Variants in CIPC observed in about 807,000 individuals in gnomAD.
CIPC encodes CLOCK-interacting pacemaker.
CIPC carries 12 observed loss-of-function variants against 26.7 expected under a neutral mutation model. The ratio of observed to expected loss-of-function variants is 0.45; its 90% CI spans 0.29 to 0.73. CIPC has a LOEUF of 0.73. Among genes scored for constraint, CIPC ranks in the 30% least tolerant of loss-of-function variants. CIPC has a pLI of 0.12. For missense variants in CIPC, 417 were observed against 486.5 expected, an observed-to-expected ratio of 0.86 and a Z score of 1.34; for synonymous variants, 170 against 189.8, an observed-to-expected ratio of 0.90 and a Z score of 0.86.
intron 2 of CIPC, among the ~76,000 whole-genome samples, chr14:77,107,656 A>ACTCT (rs796858886): frequency 0.031 from 3,958 of 127,088 alleles, 94 homozygotes; most frequent in East Asian, 0.089. Context: ...ACACACACAC[A>ACTCT]CACTCTCTCT....
In CIPC at chr14:77,114,185, A is replaced by C; in HGVS notation, c.1067A>C (p.Gln356Pro). Residue 356 changes from glutamine to proline, a missense_variant, in exon 4 of 4, where the codon CAA (glutamine) becomes CCA (proline). By Grantham distance (76) the Gln-to-Pro change is moderately conservative. Coordinates refer to ENST00000361786, the MANE Select transcript of CIPC (RefSeq NM_033426.3). ...TQVELDQLKEQTQLFIEATKS... is the reference protein window; with the variant it reads ...TQVELDQLKEPTQLFIEATKS... The stretch of plus-strand genomic sequence containing the variant: ...GTAGAACTAGACCAGCTAAAGGAGC[A>C]AACCCAGCTGTTTATAGAAGCCACC... 6.2e-7 allele frequency: 1 copy of C among 1,614,188 alleles called. No individual in the cohort carries two copies. Among genetic ancestry groups the C allele is most frequent in the Non-Finnish European group, 8.5e-7 (1 of 1,180,044 alleles).
In CIPC at chr14:77,116,908, G is replaced by C. The variant is rs1487934943; in HGVS notation, c.*2590G>C. Reference sequence around the variant, plus strand: ...TATGAAGTACTGTGGCAGAGCTGCTGTTTTCTGAAGGTGAGAAGCCATTTT... The same window carrying C: ...TATGAAGTACTGTGGCAGAGCTGCTCTTTTCTGAAGGTGAGAAGCCATTTT... On this transcript the variant is annotated 3_prime_UTR_variant, in exon 4 of 4. Coordinates refer to ENST00000361786, the MANE Select transcript of CIPC (RefSeq NM_033426.3). The C allele has an allele frequency of 6.6e-6, 1 of 152,220 alleles. No individual in the cohort carries two copies. The highest frequency in any genetic ancestry group is 2.4e-5 in the African/African-American group (1 of 41,464). 9.4% of individuals were successfully genotyped at this position (152,220 alleles called of 1,614,324 possible).
In CIPC at chr14:77,105,779, T is replaced by C. The variant is rs758677409; in HGVS notation, c.71T>C (p.Met24Thr). ...LSAKVGKGTE[M>T]KKVARQLGMA... is the part of the protein sequence containing the mutation. The stretch of plus-strand genomic sequence containing the variant: ...GCCAAAGTAGGCAAAGGCACAGAGA[T>C]GAAGAAAGTGGCTCGTCAGCTTGGG... Residue 24 changes from methionine (M) to threonine (T), a missense_variant, in exon 2 of 4, where the codon ATG becomes ACG. By Grantham distance (81) the Met-to-Thr change is moderately conservative. Transcript: ENST00000361786. 3.7e-6 allele frequency: 6 copies of C among 1,614,000 alleles called. No individual in the cohort carries two copies. The highest frequency in any genetic ancestry group is 1.7e-5 in the Admixed American group (1 of 59,988).
chr14:77,106,566 C>T (rs896704876), intron 2 of CIPC, among the ~76,000 whole-genome samples: 4 of 151,874 alleles, frequency 2.6e-5, no homozygotes, highest in Non-Finnish European at 4.4e-5. Context: ...ATTTTTGGCG[C>T]GGGGATGCAG....
chr14:77,114,646 ACT>A lies in CIPC; in HGVS notation c.*334_*335del, dbSNP rs935674381. 5.8e-5 allele frequency: 15 copies of A among 259,218 alleles called. No homozygotes were observed. The East Asian group carries it at 1.1e-3, about 19-fold the overall frequency. The allele number at this position is 259,218 out of a possible 1,614,324, so 16.1% of individuals were successfully genotyped here. A position where few individuals can be genotyped will look rare whatever the true frequency, so the allele number is the denominator to read the frequency against. On this transcript the variant is annotated 3_prime_UTR_variant, in exon 4 of 4. Transcript: ENST00000361786. The stretch of plus-strand genomic sequence containing the variant: ...TCCTGCTGTCACCTCCCATCATCCC[ACT>A]CTCTCACCAGGATCAAGGGTACAGT...
rs776503806 is a variant in CIPC at position 77,114,213 on chromosome 14, G to C, written c.1095G>C (p.Lys365Asn). 3 of 1,614,078 alleles carry C rather than the reference G, an allele frequency of 1.9e-6. No individual in the cohort carries two copies. The highest frequency in any genetic ancestry group is 1.7e-5 in the Admixed American group (1 of 60,014). The change falls in exon 4 of 4, where the codon AAG (lysine) becomes AAC (asparagine). Residue 365 changes from lysine to asparagine, a missense_variant. By Grantham distance (94) the Lys-to-Asn change is moderately conservative. Coordinates refer to ENST00000361786, the MANE Select transcript of CIPC (RefSeq NM_033426.3). Reference sequence around the variant, plus strand: ...CCCAGCTGTTTATAGAAGCCACCAAGAGCAGGGCCCCTCAGGCTTGGGCCA... The same window carrying C: ...CCCAGCTGTTTATAGAAGCCACCAACAGCAGGGCCCCTCAGGCTTGGGCCA... ...EQTQLFIEAT[K>N]SRAPQAWAKL...
intron 2 of CIPC, 156 bp downstream of exon 2, chr14:77,106,000 A>G: frequency 1.3e-6 from 1 of 766,004 alleles, no homozygotes; most frequent in Non-Finnish European, 2.0e-6. Flanking sequence ...GCCATATGTC[A>G]GGGTACCCAT....
rs1886792694 is a variant in CIPC at position 77,115,362 on chromosome 14, T to C, written c.*1044T>C. The C allele has an allele frequency of 6.6e-6, 1 of 152,234 alleles. No individual in the cohort carries two copies. Among genetic ancestry groups the C allele is most frequent in the South Asian group, 2.1e-4 (1 of 4,826 alleles). 9.4% of individuals were successfully genotyped at this position (152,234 alleles called of 1,614,324 possible). A position where few individuals can be genotyped will look rare whatever the true frequency, so the allele number is the denominator to read the frequency against. On this transcript the variant is annotated 3_prime_UTR_variant, in exon 4 of 4. Coordinates refer to ENST00000361786, the MANE Select transcript of CIPC (RefSeq NM_033426.3). ...AAAATTGGAAAGCATCTTACCCATT[T>C]TCTTCACATCCCAAATTTTTATTTG...
At chr14:77,103,449 C>T (rs981865260) in intron 1 of CIPC, among the ~76,000 whole-genome samples, 1 of 152,128 alleles carries the variant, frequency 6.6e-6, no homozygotes, top group African/African-American at 2.4e-5. Flanking sequence ...AGGAGTGCAT[C>T]GTGAATTAAA....
intron 1 of CIPC, among the ~76,000 whole-genome samples, chr14:77,100,659 C>T (rs1201294374): frequency 1.3e-5 from 2 of 151,862 alleles, no homozygotes; most frequent in African/African-American, 2.4e-5. Context: ...AACTCCACAT[C>T]CCAGGTTCAA....
chr14:77,107,555 C>G (rs1257627953), intron 2 of CIPC, among the ~76,000 whole-genome samples: 1 of 151,840 alleles, frequency 6.6e-6, no homozygotes, highest in East Asian at 1.9e-4. Context: ...AATTTCAAAT[C>G]TATACAAAAG....
Position 77,114,631 on chromosome 14 carries a change from A to C in CIPC, c.*313A>C. Reference sequence around the variant, plus strand: ...ATTGTGTGGGGCTCTTCCTGCTGTCACCTCCCATCATCCCACTCTCTCACC... The same window carrying C: ...ATTGTGTGGGGCTCTTCCTGCTGTCCCCTCCCATCATCCCACTCTCTCACC... On this transcript the variant is annotated 3_prime_UTR_variant, in exon 4 of 4. Coordinates refer to ENST00000361786, the MANE Select transcript of CIPC (RefSeq NM_033426.3). 3.6e-6 allele frequency: 1 copy of C among 278,136 alleles called. No individual in the cohort carries two copies. Among genetic ancestry groups the C allele is most frequent in the Non-Finnish European group, 6.8e-6 (1 of 146,180 alleles). The allele number at this position is 278,136 out of a possible 1,614,324, so 17.2% of individuals were successfully genotyped here. A position where few individuals can be genotyped will look rare whatever the true frequency, so the allele number is the denominator to read the frequency against.
chr14:77,105,376 A>G (rs1886571059), intron 1 of CIPC, among the ~76,000 whole-genome samples: 1 of 152,134 alleles, frequency 6.6e-6, no homozygotes, highest in African/African-American at 2.4e-5. Context: ...AAAAAGCCTA[A>G]TCAAATGTGC....
chr14:77,103,988 C>T (rs1886543251), intron 1 of CIPC, among the ~76,000 whole-genome samples: 1 of 152,130 alleles, frequency 6.6e-6, no homozygotes, highest in Non-Finnish European at 1.5e-5. Flanking sequence ...CACCTTAATT[C>T]ACCTGGACTG....
At chr14:77,111,177 G>A (rs1274973532) in intron 3 of CIPC, among the ~76,000 whole-genome samples, 1 of 152,070 alleles carries the variant, frequency 6.6e-6, no homozygotes, top group African/African-American at 2.4e-5. Context: ...TGGCTTCCTT[G>A]TCCCTTTCTT....
chr14:77,110,046 G>A (rs1886663839), intron 3 of CIPC, 65 bp downstream of exon 3: 7 of 1,501,276 alleles, frequency 4.7e-6, no homozygotes, highest in African/African-American at 1.4e-5. Flanking sequence ...CGTGTATAAA[G>A]GAAGAGATTT....
At chr14:77,111,273 G>T (rs1397002533) in intron 3 of CIPC, among the ~76,000 whole-genome samples, 6 of 152,198 alleles carry the variant, frequency 3.9e-5, no homozygotes, top group Non-Finnish European at 5.9e-5. Context: ...CAGTTACGGA[G>T]TGAGTAGGCT....
Position 77,115,943 on chromosome 14 carries a change from C to T in CIPC, c.*1625C>T, listed in dbSNP as rs894085160. 1 of 152,250 alleles carries T rather than the reference C, an allele frequency of 6.6e-6. No individual in the cohort carries two copies. Among genetic ancestry groups the T allele is most frequent in the African/African-American group, 2.4e-5 (1 of 41,462 alleles). The allele number at this position is 152,250 out of a possible 1,614,324, so 9.4% of individuals were successfully genotyped here. On this transcript the variant is annotated 3_prime_UTR_variant, in exon 4 of 4. Transcript: ENST00000361786. ...TCAGTTGATCCGCCTGCCTCAGCCT[C>T]CCAAAGTGCTGGGCTTACAGGCCTG...
chr14:77,113,829 TG>T lies in CIPC; in HGVS notation c.713del (p.Gly238GlufsTer20), dbSNP rs1446493489. The T allele has an allele frequency of 1.2e-6, 2 of 1,614,050 alleles. No individual in the cohort carries two copies. Among genetic ancestry groups the T allele is most frequent in the Non-Finnish European group, 1.7e-6 (2 of 1,180,016 alleles). On this transcript the variant is annotated frameshift_variant, in exon 4 of 4. Transcript: ENST00000361786. LOFTEE classifies it high-confidence loss of function. ...AGGGTGTGCCCTCTCTGGTGGCAGG[TG>T]GAAGTCCACAGACTCTTCAGCCGGT... ...LQGVPSLVAG[G>X]SPQTLQPVSS...
Sources: allele counts gnomAD v4.1 joint callset (sites outside exome capture counted in the v4.1 genomes callset), GRCh38; gene constraint gnomAD v4.1.1; transcripts MANE v1.5; gene names NCBI Gene and HGNC (gene_info 2026-07-23, HGNC 2026-07-21).